Variants in PRKG1 observed in about 807,000 individuals in gnomAD.
PRKG1 encodes the protein cGMP-dependent protein kinase 1.
PRKG1 carries 35 observed loss-of-function variants against 88.1 expected under a neutral mutation model. That is an observed-to-expected ratio of 0.40 (90% CI 0.30 to 0.53). The LOEUF is 0.53. Among genes scored for constraint, PRKG1 ranks in the 20% least tolerant of loss-of-function variants. The probability of loss-of-function intolerance (pLI) is 0.59; values close to 1 mark genes in which losing one functional copy is unlikely to be tolerated. For synonymous variants in PRKG1, 303 were observed against 292.5 expected (o/e 1.04, Z -0.37); for missense variants, 540 against 839.8 (o/e 0.64, Z 4.41).
chr10:51,064,579 T>A (rs1564586236), intron 1 of PRKG1, among the ~76,000 whole-genome samples: 1 of 151,960 alleles, frequency 6.6e-6, no homozygotes, highest in Admixed American at 6.6e-5. Context: ...TGTCTTTAGG[T>A]TTTTTTAAGG....
chr10:51,935,364 T>C (rs1047790351), intron 5 of PRKG1, among the ~76,000 whole-genome samples: 3 of 152,142 alleles, frequency 2.0e-5, no homozygotes, highest in African/African-American at 4.8e-5. Flanking sequence ...TGGAGATAAG[T>C]GCTCCTTATG....
intron 1 of PRKG1, among the ~76,000 whole-genome samples, chr10:50,993,671 C>T (rs992462418): frequency 7.9e-5 from 12 of 152,344 alleles, no homozygotes; most frequent in Admixed American, 7.8e-4. Context: ...GGCTATGCCC[C>T]TCGAACAGTA....
chr10:51,609,638 C>G (rs1346280740), intron 3 of PRKG1, among the ~76,000 whole-genome samples: 1 of 152,130 alleles, frequency 6.6e-6, no homozygotes, highest in Non-Finnish European at 1.5e-5. Flanking sequence ...TACATATATA[C>G]CATGGATTAC....
chr10:51,041,320 T>C lies in PRKG1; in HGVS notation c.266+49676T>C, dbSNP rs72791142. ...GCCTGCTTGGTGCTCTACCCCATTG[T>C]ATCTGAGCTGGTACCCAAGCTGCAA... On this transcript the variant is annotated intron_variant, in intron 1 of 17. Coordinates refer to the PRKG1 transcript ENST00000401604. 4.5e-3 allele frequency among the ~76,000 whole-genome samples: 690 copies of C among 152,284 alleles called. 1 individual carries two copies. Among genetic ancestry groups the C allele is most frequent in the Non-Finnish European group, 7.1e-3 (483 of 68,010 alleles).
chr10:51,834,813 T>C (rs1191729283), intron 4 of PRKG1, among the ~76,000 whole-genome samples: 1 of 151,770 alleles, frequency 6.6e-6, no homozygotes, highest in African/African-American at 2.4e-5. Flanking sequence ...GCAATGAGTC[T>C]ATGGGGGTAC....
At chr10:52,096,087 A>T (rs952176621) in intron 7 of PRKG1, among the ~76,000 whole-genome samples, 6 of 152,130 alleles carry the variant, frequency 3.9e-5, no homozygotes, top group African/African-American at 1.4e-4. Flanking sequence ...TAGAGGCTGT[A>T]GGGTCTCTGT....
At chr10:51,873,940 A>G (rs1327510039) in intron 4 of PRKG1, among the ~76,000 whole-genome samples, 2 of 152,124 alleles carry the variant, frequency 1.3e-5, no homozygotes, top group Non-Finnish European at 2.9e-5. Flanking sequence ...CAAGTCCTCT[A>G]TCTTGTTTAT....
chr10:51,712,580 C>CTTTTTTTTTTT (rs60053336), intron 3 of PRKG1, among the ~76,000 whole-genome samples: 1 of 96,002 alleles, frequency 1.0e-5, no homozygotes, highest in Non-Finnish European at 2.1e-5. Flanking sequence ...AATATTATTC[C>CTTTTTTTTTTT]TTTTTTTTTT....
At chr10:52,097,597 A>G (rs1180816123) in intron 7 of PRKG1, among the ~76,000 whole-genome samples, 1 of 151,982 alleles carries the variant, frequency 6.6e-6, no homozygotes, top group African/African-American at 2.4e-5. Flanking sequence ...TACTTTACTC[A>G]TGGTATTTAA....
At chr10:51,228,889 T>G (rs572940803) in intron 2 of PRKG1, among the ~76,000 whole-genome samples, 2 of 152,326 alleles carry the variant, frequency 1.3e-5, no homozygotes, top group African/African-American at 2.4e-5. Flanking sequence ...CTATCCCTGT[T>G]GTATAACCAC....
chr10:51,889,915 TTC>T (rs1176694404), intron 4 of PRKG1, among the ~76,000 whole-genome samples: 1 of 152,234 alleles, frequency 6.6e-6, no homozygotes, highest in Non-Finnish European at 1.5e-5. Context: ...ATTTGTTTTT[TTC>T]TTGTAAGTTT....
At chr10:51,594,280 G>A (rs1340099821) in intron 3 of PRKG1, among the ~76,000 whole-genome samples, 1 of 151,952 alleles carries the variant, frequency 6.6e-6, no homozygotes, top group Admixed American at 6.6e-5. Flanking sequence ...TTCCCACCTC[G>A]GCCTCTAAAA....
At chr10:51,731,612 G>T (rs901571277) in intron 3 of PRKG1, among the ~76,000 whole-genome samples, 9 of 152,312 alleles carry the variant, frequency 5.9e-5, no homozygotes, top group African/African-American at 2.2e-4. Context: ...TACAAGGATA[G>T]ATCTGAATAA....
At chr10:51,868,064 G>A (rs1329185296) in intron 4 of PRKG1, among the ~76,000 whole-genome samples, 2 of 152,156 alleles carry the variant, frequency 1.3e-5, no homozygotes, top group Non-Finnish European at 2.9e-5. Flanking sequence ...TAATGTTGTG[G>A]AAGGAAAATG....
intron 5 of PRKG1, among the ~76,000 whole-genome samples, chr10:51,995,725 A>T (rs1305485255): frequency 6.6e-6 from 1 of 152,218 alleles, no homozygotes; most frequent in Non-Finnish European, 1.5e-5. Flanking sequence ...CCTGTGGGAA[A>T]GTTCCATAAT....
chr10:51,221,703 G>A (rs1211038082), intron 2 of PRKG1, among the ~76,000 whole-genome samples: 1 of 150,756 alleles, frequency 6.6e-6, no homozygotes, highest in Non-Finnish European at 1.5e-5. Flanking sequence ...TCTTTCTAAA[G>A]AGGAAAATAG....
intron 9 of PRKG1, among the ~76,000 whole-genome samples, chr10:52,223,002 A>G (rs959782032): frequency 3.3e-5 from 5 of 152,032 alleles, no homozygotes; most frequent in Admixed American, 2.0e-4. Context: ...CTAACATTTC[A>G]CTGTGTACCA....
chr10:51,041,233 G>C (rs965093089), intron 1 of PRKG1, among the ~76,000 whole-genome samples: 1 of 152,056 alleles, frequency 6.6e-6, no homozygotes, highest in Non-Finnish European at 1.5e-5. Context: ...GCTCCCTTCT[G>C]GTCCAGGGCA....
intron 8 of PRKG1, among the ~76,000 whole-genome samples, chr10:52,144,006 G>A (rs186340831): frequency 8.9e-4 from 136 of 152,238 alleles, no homozygotes; most frequent in African/African-American, 3.0e-3. Flanking sequence ...TAAAATACTT[G>A]GGGAACATTG....
Sources: gnomAD v4.1 joint callset for allele counts (sites outside exome capture counted in the v4.1 genomes callset) on GRCh38, gnomAD v4.1.1 for gene constraint, MANE v1.5 for transcripts, NCBI Gene and HGNC (gene_info 2026-07-23, HGNC 2026-07-21) for gene names.